The following MAD1L1 variants were observed in gnomAD, a reference collection of about 807,000 sequenced individuals.
MAD1L1 encodes the protein mitotic arrest deficient 1 like 1, also known as mitotic spindle assembly checkpoint protein MAD1.
A neutral mutation model predicts 96.9 loss-of-function variants in MAD1L1; 95 were observed. That is an observed-to-expected ratio of 0.98 (90% CI 0.83 to 1.16). MAD1L1 has a LOEUF of 1.16. MAD1L1 is among the 50% of genes most tolerant of loss of function. The probability of loss-of-function intolerance (pLI) is 0.00; values close to 1 mark genes in which losing one functional copy is unlikely to be tolerated. For missense variants in MAD1L1, 1,007 were observed against 954.4 expected, an observed-to-expected ratio of 1.06 and a Z score of -0.73; for synonymous variants, 473 against 396.6, an observed-to-expected ratio of 1.19 and a Z score of -2.29.
chr7:2,098,952 G>GGC (rs148596199), intron 11 of MAD1L1, among the ~76,000 whole-genome samples: 4,114 of 152,336 alleles, frequency 0.027, 96 homozygotes, highest in South Asian at 0.089. Context: ...CAAGAGGGCA[G>GGC]GTGGGAATTC....
At chr7:1,827,325 G>A (rs1251175637) in intron 18 of MAD1L1, among the ~76,000 whole-genome samples, 1 of 152,224 alleles carries the variant, frequency 6.6e-6, no homozygotes, top group Non-Finnish European at 1.5e-5. Flanking sequence ...GGGAGGACAG[G>A]TGCTCAGATC....
chr7:1,886,689 A>AGCCTGG (rs1786053657), intron 18 of MAD1L1, among the ~76,000 whole-genome samples: 2 of 152,226 alleles, frequency 1.3e-5, no homozygotes, highest in African/African-American at 4.8e-5. Context: ...GGAAGGCCTG[A>AGCCTGG]GCCTGGGCCT....
At chr7:2,113,714 G>A (rs996292491) in intron 11 of MAD1L1, among the ~76,000 whole-genome samples, 1 of 152,178 alleles carries the variant, frequency 6.6e-6, no homozygotes, top group African/African-American at 2.4e-5. Flanking sequence ...GACCACACCC[G>A]CAACAGAACA....
Position 1,851,026 on chromosome 7 carries a change from T to C in MAD1L1, c.1999-34798A>G, listed in dbSNP as rs1216957689. 2.6e-5 allele frequency among the ~76,000 whole-genome samples: 4 copies of C among 152,170 alleles called. 1 individual carries two copies. The South Asian group carries it at 8.3e-4, about 32-fold the overall frequency. On this transcript the variant is annotated intron_variant, in intron 18 of 18. Transcript: ENST00000265854. Reference sequence around the variant, plus strand: ...TGCCCTAAGCTTCTGTGACCCTGCGTCCACCGTGGCAGCCCGGCTGGAGCC... The same window carrying C: ...TGCCCTAAGCTTCTGTGACCCTGCGCCCACCGTGGCAGCCCGGCTGGAGCC...
intron 18 of MAD1L1, among the ~76,000 whole-genome samples, chr7:1,864,211 C>T (rs577025367): frequency 1.3e-5 from 2 of 152,318 alleles, no homozygotes; most frequent in South Asian, 4.1e-4. Flanking sequence ...GTTGGGGAGC[C>T]GCTTTCCTGG....
chr7:2,059,495 A>G (rs938696523), intron 12 of MAD1L1, among the ~76,000 whole-genome samples: 1 of 149,022 alleles, frequency 6.7e-6, no homozygotes, highest in Non-Finnish European at 1.5e-5. Flanking sequence ...TGGCCAGAGG[A>G]GAGGAAAGGT....
intron 18 of MAD1L1, among the ~76,000 whole-genome samples, chr7:1,840,627 G>C (rs1220812689): frequency 2.0e-5 from 3 of 152,228 alleles, no homozygotes; most frequent in Non-Finnish European, 4.4e-5. Context: ...TACTCGGGAG[G>C]CTGAGGCAGG....
At chr7:2,012,159 G>T (rs547752077) in intron 13 of MAD1L1, among the ~76,000 whole-genome samples, 1 of 152,358 alleles carries the variant, frequency 6.6e-6, no homozygotes, top group Admixed American at 6.5e-5. Flanking sequence ...AAGCTGCCCG[G>T]CAAGGGGGCA....
At chr7:2,066,192 C>T (rs1341610136) in intron 12 of MAD1L1, among the ~76,000 whole-genome samples, 2 of 152,236 alleles carry the variant, frequency 1.3e-5, no homozygotes, top group Non-Finnish European at 2.9e-5. Flanking sequence ...GAAGCAGAGG[C>T]CCAGAGCCCC....
chr7:2,160,775 G>A (rs73039250), intron 10 of MAD1L1, among the ~76,000 whole-genome samples: 3,978 of 152,044 alleles, frequency 0.026, 92 homozygotes, highest in South Asian at 0.067. Context: ...CTACCATGCC[G>A]GGCTAGCCAC....
At chr7:2,127,525 A>G (rs960955080) in intron 11 of MAD1L1, among the ~76,000 whole-genome samples, 7 of 152,138 alleles carry the variant, frequency 4.6e-5, no homozygotes, top group African/African-American at 1.7e-4. Flanking sequence ...ACCGACCGGT[A>G]GGAAAGACCA....
chr7:2,039,332 T>C (rs1049622936), intron 12 of MAD1L1, among the ~76,000 whole-genome samples: 10 of 152,254 alleles, frequency 6.6e-5, no homozygotes, highest in African/African-American at 2.4e-4. Flanking sequence ...AAGAGTCCTC[T>C]GTCGGGTTTT....
intron 18 of MAD1L1, among the ~76,000 whole-genome samples, chr7:1,825,531 G>A (rs1249781035): frequency 6.6e-6 from 1 of 152,230 alleles, no homozygotes; most frequent in African/African-American, 2.4e-5. Flanking sequence ...TGAGAGACAC[G>A]GGCCCAAGCC....
chr7:1,878,230 T>C (rs1247555073), intron 18 of MAD1L1, among the ~76,000 whole-genome samples: 1 of 151,950 alleles, frequency 6.6e-6, no homozygotes, highest in Non-Finnish European at 1.5e-5. Context: ...CACTAGTGAA[T>C]TCTATCAGAT....
chr7:1,822,862 C>T lies in MAD1L1; in HGVS notation c.1999-6634G>A, dbSNP rs546620135. ...CGTACAGCTACAGCACAGCGTTATACGGCTCCTACGTCAGACAGACATGGC... is the reference window on the plus strand; with the variant it reads ...CGTACAGCTACAGCACAGCGTTATATGGCTCCTACGTCAGACAGACATGGC... On this transcript the variant is annotated intron_variant, in intron 18 of 18. Coordinates refer to ENST00000265854, the MANE Select transcript of MAD1L1 (RefSeq NM_001013836.2). Among the ~76,000 whole-genome samples, 7 of 151,886 alleles carry T rather than the reference C, an allele frequency of 4.6e-5. No homozygotes were observed. The East Asian group carries it at 7.7e-4, about 17-fold the overall frequency.
rs541938982 is a variant in MAD1L1, at chr7:1,916,052, G to A, written c.1808-17662C>T. On this transcript the variant is annotated intron_variant, in intron 17 of 18. Transcript: ENST00000265854. ...CTAGGAGAGGCTAACAAGCCACGTC[G>A]GTGCCCATCATCCTCACCTGTGAGG... Among the ~76,000 whole-genome samples the A allele has an allele frequency of 1.9e-4, 29 of 152,290 alleles. No homozygotes were observed. The South Asian group carries it at 5.2e-3, about 27-fold the overall frequency.
intron 13 of MAD1L1, among the ~76,000 whole-genome samples, chr7:2,007,420 G>T (rs569903473): frequency 2.0e-5 from 3 of 152,230 alleles, no homozygotes; most frequent in African/African-American, 4.8e-5. Context: ...GGTGGCTCAC[G>T]CCTGGAATCC....
chr7:2,124,563 A>G (rs1047382057), intron 11 of MAD1L1, among the ~76,000 whole-genome samples: 2 of 152,186 alleles, frequency 1.3e-5, no homozygotes, highest in African/African-American at 4.8e-5. Flanking sequence ...CCAGGGGTGC[A>G]GTGAGGGCAG....
chr7:2,216,349 T>C (rs1243485273), intron 7 of MAD1L1, 62 bp from the exon 8 acceptor site: 29 of 1,548,992 alleles, frequency 1.9e-5, no homozygotes, highest in Non-Finnish European at 2.5e-5. Flanking sequence ...CTGGAGAAAA[T>C]CACACGCACA....
Sources: gnomAD v4.1 joint callset for allele counts (sites outside exome capture counted in the v4.1 genomes callset) on GRCh38, gnomAD v4.1.1 for gene constraint, MANE v1.5 for transcripts, NCBI Gene and HGNC (gene_info 2026-07-23, HGNC 2026-07-21) for gene names.